The following MSR1 variants were observed in gnomAD, a reference collection of about 807,000 sequenced individuals.
The protein encoded by MSR1 is macrophage scavenger receptor 1, also known as macrophage scavenger receptor types I and II.
MSR1 carries 53 observed loss-of-function variants against 47.2 expected under a neutral mutation model. The ratio of observed to expected loss-of-function variants is 1.12; its 90% CI spans 0.90 to 1.41. MSR1 has a LOEUF of 1.41. Ranked by LOEUF, MSR1 falls within the 40% of genes most tolerant of loss-of-function variation. The pLI is 0.00. For synonymous variants in MSR1, 239 were observed against 185.6 expected (o/e 1.29, Z -2.34); for missense variants, 786 against 546.9 (o/e 1.44, Z -4.36).
At chr8:16,179,257 A>G (rs1801753143) in intron 1 of MSR1, among the ~76,000 whole-genome samples, 1 of 152,202 alleles carries the variant, frequency 6.6e-6, no homozygotes. Flanking sequence ...TTGACTTCTT[A>G]CAAAAGTCAA....
chr8:16,115,244 A>C (rs1175253688), intron 9 of MSR1, among the ~76,000 whole-genome samples: 1 of 152,184 alleles, frequency 6.6e-6, no homozygotes, highest in Non-Finnish European at 1.5e-5. Flanking sequence ...TATGAACCTG[A>C]TTCTTCTCAC....
intron 1 of MSR1, among the ~76,000 whole-genome samples, chr8:16,179,607 C>A (rs778265310): frequency 3.2e-4 from 49 of 152,006 alleles, no homozygotes; most frequent in Middle Eastern, 3.2e-3. Context: ...TGGCCGGGCA[C>A]AGTGGCTCAC....
chr8:16,135,158 T>C (rs1362923551), intron 8 of MSR1, among the ~76,000 whole-genome samples: 66 of 152,212 alleles, frequency 4.3e-4, no homozygotes, highest in Non-Finnish European at 2.9e-5. Flanking sequence ...TCAATGTAGA[T>C]GAAACAGCTT....
chr8:16,155,026 C>T (rs1220267995), intron 6 of MSR1, 38 bp downstream of exon 6: 2 of 1,508,028 alleles, frequency 1.3e-6, no homozygotes, highest in Admixed American at 3.4e-5. Flanking sequence ...TATCATCTAT[C>T]TTCACAGTAT....
At position 16,175,047 on chromosome 8, in the gene MSR1, C is replaced by A. The variant is rs36064396; in HGVS notation, c.217+140G>T. On this transcript the variant is annotated intron_variant, in intron 3 of 9. Coordinates refer to ENST00000262101, the MANE Select transcript of MSR1 (RefSeq NM_138715.3). ...TTGCGGAATCTGTTTTTTAACTTAA[C>A]AAATTTGAAGGACACTTTGTAATGC... The A allele has an allele frequency of 3.3e-3, 2,295 of 703,122 alleles. 46 individuals are homozygous for A. The African/African-American group carries it at 0.036, about 11-fold the overall frequency. 43.6% of individuals were successfully genotyped at this position (703,122 alleles called of 1,614,324 possible). A position where few individuals can be genotyped will look rare whatever the true frequency, so the allele number is the denominator to read the frequency against.
chr8:16,176,159 C>CT (rs1303624170), intron 2 of MSR1, among the ~76,000 whole-genome samples: 1 of 152,058 alleles, frequency 6.6e-6, no homozygotes, highest in Non-Finnish European at 1.5e-5. Flanking sequence ...TAAAAACAAA[C>CT]TTTTTTATTT....
At chr8:16,121,454 C>G (rs1010766613) in intron 8 of MSR1, among the ~76,000 whole-genome samples, 7 of 151,946 alleles carry the variant, frequency 4.6e-5, no homozygotes, top group Non-Finnish European at 1.0e-4. Flanking sequence ...TATATATGCA[C>G]TTTGACCTAG....
chr8:16,152,132 G>A (rs998027592), intron 6 of MSR1, among the ~76,000 whole-genome samples: 1 of 152,004 alleles, frequency 6.6e-6, no homozygotes, highest in Non-Finnish European at 1.5e-5. Context: ...ATTTTTACCA[G>A]CCTGTTGTAA....
At chr8:16,156,785 G>T (rs966025182) in intron 5 of MSR1, among the ~76,000 whole-genome samples, 2 of 151,624 alleles carry the variant, frequency 1.3e-5, no homozygotes, top group African/African-American at 2.4e-5. Context: ...ATATTCTAAG[G>T]TATAGCTTAA....
intron 7 of MSR1, among the ~76,000 whole-genome samples, chr8:16,146,206 C>G (rs1800692455): frequency 6.6e-6 from 1 of 152,046 alleles, no homozygotes; most frequent in Admixed American, 6.6e-5. Flanking sequence ...TGATCATCCT[C>G]TCTCCTAAGC....
At chr8:16,166,106 A>C (rs1187778630) in intron 4 of MSR1, among the ~76,000 whole-genome samples, 1 of 151,898 alleles carries the variant, frequency 6.6e-6, no homozygotes, top group African/African-American at 2.4e-5. Flanking sequence ...TGCTTCCTAG[A>C]AACGAGGAAT....
At chr8:16,182,001 G>A (rs1362545283) in intron 1 of MSR1, among the ~76,000 whole-genome samples, 1 of 152,098 alleles carries the variant, frequency 6.6e-6, no homozygotes, top group East Asian at 1.9e-4. Flanking sequence ...TCATGGCTGT[G>A]TGAACATCAT....
At chr8:16,175,343 T>A (rs781411623) in intron 2 of MSR1, 43 bp from the exon 3 acceptor site, 2 of 1,449,368 alleles carry the variant, frequency 1.4e-6, no homozygotes, top group African/African-American at 1.4e-5. Flanking sequence ...GAAAGTGTTG[T>A]CTTCTTCCAT....
intron 4 of MSR1, among the ~76,000 whole-genome samples, chr8:16,166,896 G>C (rs551364569): frequency 5.1e-4 from 77 of 151,728 alleles, no homozygotes; most frequent in African/African-American, 1.8e-3. Flanking sequence ...CAAGCAATGG[G>C]GATGAGCGTC....
intron 2 of MSR1, among the ~76,000 whole-genome samples, chr8:16,176,363 C>T (rs1383053247): frequency 5.3e-5 from 8 of 151,864 alleles, no homozygotes; most frequent in Non-Finnish European, 1.5e-5. Flanking sequence ...AAAAATTAGC[C>T]AGTCATGGTA....
intron 6 of MSR1, among the ~76,000 whole-genome samples, chr8:16,154,482 A>G (rs1414068478): frequency 1.3e-5 from 2 of 152,084 alleles, no homozygotes; most frequent in Non-Finnish European, 2.9e-5. Flanking sequence ...AGTAAAGCAC[A>G]GAGAGTGACT....
intron 3 of MSR1, among the ~76,000 whole-genome samples, chr8:16,174,275 T>G (rs1393309820): frequency 6.6e-6 from 1 of 152,214 alleles, no homozygotes; most frequent in East Asian, 1.9e-4. Context: ...GTTAAACTGC[T>G]TAGTATGCAC....
chr8:16,113,478 G>C (rs1321332114), intron 9 of MSR1, among the ~76,000 whole-genome samples: 6 of 152,228 alleles, frequency 3.9e-5, no homozygotes, highest in South Asian at 2.1e-4. Flanking sequence ...ATTATTTCTA[G>C]TCATGACTGA....
At chr8:16,168,379 C>T in intron 4 of MSR1, 79 bp downstream of exon 4, 1 of 1,492,930 alleles carries the variant, frequency 6.7e-7, no homozygotes, top group Non-Finnish European at 9.3e-7. Context: ...GCAACTTTTG[C>T]TTTCCTGTAC....
Sources: gnomAD v4.1 joint callset for allele counts (sites outside exome capture counted in the v4.1 genomes callset) on GRCh38, gnomAD v4.1.1 for gene constraint, MANE v1.5 for transcripts, NCBI Gene and HGNC (gene_info 2026-07-23, HGNC 2026-07-21) for gene names.